Variants in MYEF2 observed in about 807,000 individuals in gnomAD.
The protein encoded by MYEF2 is myelin expression factor 2, also known as myelin gene expression factor 2.
Under a neutral mutation model 75.2 loss-of-function variants are expected in MYEF2, and 37 were observed. The ratio of observed to expected loss-of-function variants is 0.49; its 90% CI spans 0.38 to 0.65. The LOEUF is 0.65. Ranked by LOEUF, MYEF2 falls within the 30% of genes least tolerant of loss-of-function variation. The pLI is 0.00. For synonymous variants in MYEF2, 195 were observed against 241.6 expected (o/e 0.81, Z 1.79); for missense variants, 634 against 771.4 (o/e 0.82, Z 2.11).
At chr15:48,143,685 T>C (rs531519807) in intron 16 of MYEF2, among the ~76,000 whole-genome samples, 2 of 152,076 alleles carry the variant, frequency 1.3e-5, no homozygotes, top group South Asian at 2.1e-4. Context: ...TGGGAAGAGA[T>C]AGCACAGATT....
chr15:48,169,330 A>G (rs1009142356), intron 1 of MYEF2, among the ~76,000 whole-genome samples: 1 of 152,230 alleles, frequency 6.6e-6, no homozygotes, highest in Non-Finnish European at 1.5e-5. Flanking sequence ...CTTAATTAGA[A>G]GCATAATTAA....
rs2039100446 is a variant in MYEF2, at chr15:48,141,823, ATATAAT to A, written c.*1079_*1084del. 5.7e-6 allele frequency: 2 copies of A among 353,432 alleles called. No individual in the cohort carries two copies. Among genetic ancestry groups the A allele is most frequent in the Non-Finnish European group, 1.0e-5 (2 of 198,566 alleles). The allele number at this position is 353,432 out of a possible 1,614,324, so 21.9% of individuals were successfully genotyped here. A position where few individuals can be genotyped will look rare whatever the true frequency, so the allele number is the denominator to read the frequency against. On this transcript the variant is annotated 3_prime_UTR_variant, in exon 17 of 17. Transcript: ENST00000324324. The stretch of plus-strand genomic sequence containing the variant: ...ACCTTATTGAAAAATGGTTTAATAA[ATATAAT>A]TATTAAATAAATGTTAAGACTTTAA...
intron 10 of MYEF2, chr15:48,152,798 A>T (rs1174087097): frequency 6.6e-6 from 1 of 152,616 alleles, no homozygotes; most frequent in Non-Finnish European, 1.5e-5. Flanking sequence ...ACTTGTTTGG[A>T]TCAGAATGAT....
rs1021033498 is a variant in MYEF2, at chr15:48,157,035, C to A, written c.985+958G>T. 2.0e-5 allele frequency: 3 copies of A among 152,068 alleles called. No homozygotes were observed. In the South Asian group the frequency reaches 6.2e-4, roughly 32 times the overall value. 9.4% of individuals were successfully genotyped at this position (152,068 alleles called of 1,614,324 possible). A position where few individuals can be genotyped will look rare whatever the true frequency, so the allele number is the denominator to read the frequency against. On this transcript the variant is annotated intron_variant, in intron 9 of 16. Coordinates refer to ENST00000324324, the MANE Select transcript of MYEF2 (RefSeq NM_016132.5). ...AGAAAAAAATCTACAACAAATATGG[C>A]ATATGATAACTATATGAGTAATTTT...
In MYEF2 at chr15:48,166,131, A is replaced by C; in HGVS notation, c.424-3T>G. 1.9e-6 allele frequency: 3 copies of C among 1,569,100 alleles called. No individual in the cohort carries two copies. The highest frequency in any genetic ancestry group is 2.6e-6 in the Non-Finnish European group (3 of 1,151,340). On this transcript the variant is annotated splice_region_variant and splice_polypyrimidine_tract_variant and intron_variant, in intron 3 of 16. Transcript: ENST00000324324. The stretch of plus-strand genomic sequence containing the variant: ...GAAAAAATTTCTTACCCACAACCCT[A>C]TATCCAGGTAGATTTGTCAAAATAT...
rs188030968 is a variant in MYEF2 at position 48,161,439 on chromosome 15, T to C, written c.526-1635A>G. 2.1e-3 allele frequency among the ~76,000 whole-genome samples: 317 copies of C among 152,020 alleles called. 1 individual carries two copies. The highest frequency in any genetic ancestry group is 7.4e-3 in the African/African-American group (307 of 41,518). On this transcript the variant is annotated intron_variant, in intron 5 of 16. Transcript: ENST00000324324. ...TCATTCCATCCACCCCTCTATAAAT[T>C]AGATATCCCAGGAAAGGGACTGCCA...
At chr15:48,146,396 T>C (rs1224400740) in intron 16 of MYEF2, among the ~76,000 whole-genome samples, 1 of 151,960 alleles carries the variant, frequency 6.6e-6, no homozygotes, top group African/African-American at 2.4e-5. Context: ...AGGGGCTTGA[T>C]GGAACCAGAA....
Position 48,136,472 on chromosome 15 carries a change from A to T in MYEF2, c.*6436T>A. The T allele has an allele frequency of 2.5e-6, 1 of 395,512 alleles. No individual in the cohort carries two copies. The highest frequency in any genetic ancestry group is 4.4e-6 in the Non-Finnish European group (1 of 228,846). The allele number at this position is 395,512 out of a possible 1,614,324, so 24.5% of individuals were successfully genotyped here. On this transcript the variant is annotated 3_prime_UTR_variant, in exon 17 of 17. Transcript: ENST00000324324. ...GTTGATCTTGTTTTTAAAAAAAAAA[A>T]AACAACACAGAAGTGTCCAGCTTTT...
rs1312361494 is a variant in MYEF2, at chr15:48,139,230, T to C, written c.*3678A>G. 13 of 1,439,558 alleles carry C rather than the reference T, an allele frequency of 9.0e-6. No homozygotes were observed. Among genetic ancestry groups the C allele is most frequent in the Non-Finnish European group, 1.2e-5 (12 of 1,033,314 alleles). 89.2% of individuals were successfully genotyped at this position (1,439,558 alleles called of 1,614,324 possible). A position where few individuals can be genotyped will look rare whatever the true frequency, so the allele number is the denominator to read the frequency against. The stretch of plus-strand genomic sequence containing the variant: ...TGAAAATATTCATATAAGAACAAAT[T>C]GCATATGTTCACTCAAAGTAGTCTA... On this transcript the variant is annotated 3_prime_UTR_variant, in exon 17 of 17. Transcript: ENST00000324324.
Position 48,153,909 on chromosome 15 carries a change from G to A in MYEF2, c.986-16C>T. 1 of 1,599,352 alleles carries A rather than the reference G, an allele frequency of 6.3e-7. No homozygotes were observed. The highest frequency in any genetic ancestry group is 1.1e-5 in the South Asian group (1 of 90,016). On this transcript the variant is annotated splice_polypyrimidine_tract_variant and intron_variant, in intron 9 of 16. Coordinates refer to ENST00000324324, the MANE Select transcript of MYEF2 (RefSeq NM_016132.5). ...CCAAGACCACCTAAAACAAAAATGA[G>A]AACAATCATTACAAAGATCCATATA...
chr15:48,173,330 T>C (rs942746719), intron 1 of MYEF2, among the ~76,000 whole-genome samples: 6 of 152,132 alleles, frequency 3.9e-5, no homozygotes, highest in African/African-American at 1.4e-4. Flanking sequence ...AAATTCAGTA[T>C]AGAAGGAATG....
intron 16 of MYEF2, among the ~76,000 whole-genome samples, chr15:48,147,050 A>C (rs2039311164): frequency 6.6e-6 from 1 of 151,976 alleles, no homozygotes; most frequent in South Asian, 2.1e-4. Context: ...CATTAATCTT[A>C]AAATATAATT....
chr15:48,149,816 A>G lies in MYEF2; in HGVS notation c.1379-445T>C, dbSNP rs1053815667. The G allele has an allele frequency of 6.5e-6, 1 of 154,040 alleles. No homozygotes were observed. The highest frequency in any genetic ancestry group is 1.4e-5 in the Non-Finnish European group (1 of 69,498). The allele number at this position is 154,040 out of a possible 1,614,324, so 9.5% of individuals were successfully genotyped here. A position where few individuals can be genotyped will look rare whatever the true frequency, so the allele number is the denominator to read the frequency against. On this transcript the variant is annotated intron_variant, in intron 14 of 16. Coordinates refer to ENST00000324324, the MANE Select transcript of MYEF2 (RefSeq NM_016132.5). The surrounding 1 kb of genome is among the most constrained non-coding windows in gnomAD (Gnocchi z 4.0). ...TACACAGAGATAAATGCAAATTATTACAACTCTAGCACTCAAGCCGCTCTC... is the reference window on the plus strand; with the variant it reads ...TACACAGAGATAAATGCAAATTATTGCAACTCTAGCACTCAAGCCGCTCTC...
intron 16 of MYEF2, among the ~76,000 whole-genome samples, chr15:48,144,998 G>A (rs1050375475): frequency 2.0e-5 from 3 of 151,750 alleles, no homozygotes; most frequent in Non-Finnish European, 4.4e-5. Context: ...TCTGTCTCTC[G>A]ATCTTTCAGG....
intron 9 of MYEF2, among the ~76,000 whole-genome samples, chr15:48,154,888 C>T (rs903614916): frequency 6.6e-6 from 1 of 151,812 alleles, no homozygotes; most frequent in Non-Finnish European, 1.5e-5. Flanking sequence ...AAATGCTGAG[C>T]AATGATAGTA....
rs1353932447 is a variant in MYEF2 at position 48,142,169 on chromosome 15, A to G, written c.*739T>C. On this transcript the variant is annotated 3_prime_UTR_variant, in exon 17 of 17. Coordinates refer to ENST00000324324, the MANE Select transcript of MYEF2 (RefSeq NM_016132.5). ...AGTAAACAGCAGAGGACTAACTTACATAACCATCTCTCTCAACATTTCAAT... is the reference window on the plus strand; with the variant it reads ...AGTAAACAGCAGAGGACTAACTTACGTAACCATCTCTCTCAACATTTCAAT... 2 of 1,613,790 alleles carry G rather than the reference A, an allele frequency of 1.2e-6. No homozygotes were observed. Among genetic ancestry groups the G allele is most frequent in the African/African-American group, 1.3e-5 (1 of 74,928 alleles).
In MYEF2 at chr15:48,149,148, T is replaced by C. The variant is rs1280088210; in HGVS notation, c.1587+15A>G. On this transcript the variant is annotated intron_variant, in intron 15 of 16. Coordinates refer to ENST00000324324, the MANE Select transcript of MYEF2 (RefSeq NM_016132.5). The surrounding 1 kb of genome is among the most constrained non-coding windows in gnomAD (Gnocchi z 4.0). Reference sequence around the variant, plus strand: ...AAAAAAGAATTTGAATTATCCTTAATATTTATTTGCTTACATTTCTGACAA... The same window carrying C: ...AAAAAAGAATTTGAATTATCCTTAACATTTATTTGCTTACATTTCTGACAA... 4 of 1,612,860 alleles carry C rather than the reference T, an allele frequency of 2.5e-6. No individual in the cohort carries two copies. The highest frequency in any genetic ancestry group is 1.7e-5 in the Admixed American group (1 of 59,908).
chr15:48,153,910 A>G lies in MYEF2; in HGVS notation c.986-17T>C. 1 of 1,599,844 alleles carries G rather than the reference A, an allele frequency of 6.3e-7. No homozygotes were observed. The highest frequency in any genetic ancestry group is 1.1e-5 in the South Asian group (1 of 90,214). ...CAAGACCACCTAAAACAAAAATGAG[A>G]ACAATCATTACAAAGATCCATATAT... On this transcript the variant is annotated splice_polypyrimidine_tract_variant and intron_variant, in intron 9 of 16. Coordinates refer to ENST00000324324, the MANE Select transcript of MYEF2 (RefSeq NM_016132.5).
rs766586025 is a variant in MYEF2, at chr15:48,158,819, C to G, written c.821G>C (p.Gly274Ala). 1 of 1,613,760 alleles carries G rather than the reference C, an allele frequency of 6.2e-7. No individual in the cohort carries two copies. The highest frequency in any genetic ancestry group is 8.5e-7 in the Non-Finnish European group (1 of 1,179,754). ...IKEDKDGKSR[G>A]MGTVTFEQAI... ...TTGCTCAAAAGTGACAGTGCCCATT[C>G]CTCTGCTCTTGCCATCTTTGTCTTC... is the stretch of plus-strand genomic sequence containing the variant. The change falls in exon 7 of 17, where the codon GGA becomes GCA. Residue 274 changes from glycine to alanine, a missense_variant. By Grantham distance (60) the Gly-to-Ala change is moderately conservative. Coordinates refer to ENST00000324324, the MANE Select transcript of MYEF2 (RefSeq NM_016132.5).
Sources: allele counts gnomAD v4.1 joint callset (sites outside exome capture counted in the v4.1 genomes callset), GRCh38; gene constraint gnomAD v4.1.1; non-coding constraint Gnocchi (gnomAD v3.1); transcripts MANE v1.5; gene names NCBI Gene and HGNC (gene_info 2026-07-23, HGNC 2026-07-21).